TTLL6: variants seen among roughly 807,000 people sequenced by gnomAD.
TTLL6 encodes tubulin polyglutamylase TTLL6.
In TTLL6, 75 loss-of-function variants were observed where a neutral mutation model predicts 96.4. That is an observed-to-expected ratio of 0.78 (90% CI 0.65 to 0.94). TTLL6 has a LOEUF of 0.94. Ranked by LOEUF, TTLL6 falls within the 40% of genes least tolerant of loss-of-function variation. The pLI is 0.00. For missense variants in TTLL6, 1,030 were observed against 1,093.0 expected (o/e 0.94, Z 0.81); for synonymous variants, 411 against 419.4 (o/e 0.98, Z 0.24).
chr17:48,770,510 G>GTTGTTATTATTATTATTATTATTATTA (rs1555563118), intron 13 of TTLL6, among the ~76,000 whole-genome samples: 8 of 147,860 alleles, frequency 5.4e-5, no homozygotes, highest in Admixed American at 1.4e-4. Flanking sequence ...TATTGTTGTT[G>GTTGTTATTATTATTATTATTATTATTA]TTATTATTAT....
At chr17:48,805,915 G>A (rs192903789) in intron 1 of TTLL6, among the ~76,000 whole-genome samples, 106 of 152,262 alleles carry the variant, frequency 7.0e-4, no homozygotes, top group African/African-American at 2.4e-3. Flanking sequence ...ATTGAGACCA[G>A]CCCTACCCAC....
At chr17:48,786,033 G>A (rs1024691087) in intron 12 of TTLL6, 131 bp downstream of exon 12, 121 of 1,383,662 alleles carry the variant, frequency 8.7e-5, no homozygotes, top group Admixed American at 2.6e-4. Flanking sequence ...CCGCCCCGTC[G>A]TTGCCCAGCC....
At chr17:48,774,108 A>AAC (rs1555563624) in intron 13 of TTLL6, among the ~76,000 whole-genome samples, 70 of 130,526 alleles carry the variant, frequency 5.4e-4, no homozygotes, top group East Asian at 1.3e-3. Flanking sequence ...AAAAAAAAAA[A>AAC]AAAACAAGAA....
At chr17:48,771,300 T>C (rs1296332652) in intron 13 of TTLL6, among the ~76,000 whole-genome samples, 1 of 152,064 alleles carries the variant, frequency 6.6e-6, no homozygotes. Flanking sequence ...CCACAGTAGA[T>C]TTAGAATGTG....
At chr17:48,808,595 G>A (rs1291514384) in intron 1 of TTLL6, among the ~76,000 whole-genome samples, 1 of 152,088 alleles carries the variant, frequency 6.6e-6, no homozygotes, top group African/African-American at 2.4e-5. Flanking sequence ...TTGAGATGGT[G>A]TCTCATTCTG....
intron 12 of TTLL6, among the ~76,000 whole-genome samples, chr17:48,785,434 T>G (rs1478324667): frequency 6.6e-6 from 1 of 152,162 alleles, no homozygotes; most frequent in Non-Finnish European, 1.5e-5. Context: ...AACTGTGCAT[T>G]GTGTACTTTC....
chr17:48,778,839 A>C (rs568610335), intron 13 of TTLL6, among the ~76,000 whole-genome samples: 1 of 151,324 alleles, frequency 6.6e-6, no homozygotes, highest in East Asian at 1.9e-4. Context: ...CTGAGGCAGG[A>C]GAATCGCTTG....
At position 48,769,749 on chromosome 17, in the gene TTLL6, G is replaced by T; in HGVS notation, c.2389C>A (p.Leu797Met). The T allele has an allele frequency of 6.2e-7, 1 of 1,614,068 alleles. No individual in the cohort carries two copies. Among genetic ancestry groups the T allele is most frequent in the Non-Finnish European group, 8.5e-7 (1 of 1,179,982 alleles). The change falls in exon 14 of 16, where the codon CTG (leucine) becomes ATG (methionine). Residue 797 changes from leucine (L) to methionine (M), a missense_variant. Coordinates refer to ENST00000393382, the MANE Select transcript of TTLL6 (RefSeq NM_001130918.3). ...TCACGTGACAGGTTATTCATCCCCA[G>T]CTTGGGGTTGTAGTGAGCTGGGAAG... The part of the protein sequence containing the change: ...SFFPAHYNPK[L>M]GMNNLSQNPS...
chr17:48,803,370 C>A (rs1469087730), intron 3 of TTLL6, among the ~76,000 whole-genome samples: 3 of 151,880 alleles, frequency 2.0e-5, no homozygotes, highest in African/African-American at 7.3e-5. Context: ...GTGGCACTTG[C>A]CTGTAATCCC....
chr17:48,801,168 G>T, intron 5 of TTLL6, 87 bp downstream of exon 5: 1 of 1,279,218 alleles, frequency 7.8e-7, no homozygotes, highest in Non-Finnish European at 1.1e-6. Context: ...TATGGGCAGG[G>T]AAAGTGGCAA....
chr17:48,772,239 C>T (rs995916230), intron 13 of TTLL6, among the ~76,000 whole-genome samples: 1 of 152,078 alleles, frequency 6.6e-6, no homozygotes, highest in Admixed American at 6.5e-5. Context: ...AATCCCAGCA[C>T]GTTGGGAAGC....
intron 1 of TTLL6, among the ~76,000 whole-genome samples, chr17:48,815,075 G>A (rs1447419610): frequency 1.3e-5 from 2 of 152,176 alleles, no homozygotes; most frequent in African/African-American, 4.8e-5. Context: ...ACCGCGCCCA[G>A]CAGTTTAGTG....
chr17:48,813,564 C>CAAAAAG (rs1349259544), intron 1 of TTLL6, among the ~76,000 whole-genome samples: 2 of 151,964 alleles, frequency 1.3e-5, no homozygotes, highest in Non-Finnish European at 1.5e-5. Context: ...GCCTCAAAAA[C>CAAAAAG]AAAAAGAAAA....
At chr17:48,812,426 T>C (rs1240125376) in intron 1 of TTLL6, among the ~76,000 whole-genome samples, 1 of 152,250 alleles carries the variant, frequency 6.6e-6, no homozygotes, top group African/African-American at 2.4e-5. Context: ...TCGAAGTCTC[T>C]GTCTGGATTT....
intron 13 of TTLL6, among the ~76,000 whole-genome samples, chr17:48,784,051 TA>T (rs1404987158): frequency 1.3e-5 from 2 of 152,042 alleles, no homozygotes; most frequent in Non-Finnish European, 2.9e-5. Flanking sequence ...TAGTCAAAGG[TA>T]TGATTATGAG....
At chr17:48,793,892 T>G (rs920064126) in intron 8 of TTLL6, among the ~76,000 whole-genome samples, 4 of 152,026 alleles carry the variant, frequency 2.6e-5, no homozygotes, top group African/African-American at 9.6e-5. Context: ...CCCCTGGAGA[T>G]GAGAAGGTAG....
intron 6 of TTLL6, 49 bp from the exon 7 acceptor site, chr17:48,797,253 A>G (rs1052151541): frequency 1.3e-6 from 2 of 1,512,000 alleles, no homozygotes; most frequent in Non-Finnish European, 1.8e-6. Flanking sequence ...AGAAATTTAC[A>G]CTTGAAAATC....
At position 48,785,046 on chromosome 17, in the gene TTLL6, G is replaced by A. The variant is rs1477920677; in HGVS notation, c.1917C>T (p.Phe639=). 3 of 1,614,166 alleles carry A rather than the reference G, an allele frequency of 1.9e-6. No individual in the cohort carries two copies. Among genetic ancestry groups the A allele is most frequent in the Admixed American group, 3.3e-5 (2 of 60,020 alleles). ...VFPKLTSAKP[F]SSLPDLRNIN... ...TATTCCTCAGATCGGGTAGAGAACT[G>A]AAGGGCTTCGCAGACGTCAGCTTGG... Residue 639 remains phenylalanine (F), a synonymous_variant, in exon 13 of 16, where the codon TTC becomes TTT. Transcript: ENST00000393382.
chr17:48,791,411 C>G lies in TTLL6; in HGVS notation c.1191G>C (p.Leu397Phe). 6.2e-7 allele frequency: 1 copy of G among 1,614,162 alleles called. No individual in the cohort carries two copies. The highest frequency in any genetic ancestry group is 8.5e-7 in the Non-Finnish European group (1 of 1,180,040). Residue 397 changes from leucine (L) to phenylalanine (F), a missense_variant, in exon 9 of 16, where the codon TTG becomes TTC. Coordinates refer to ENST00000393382, the MANE Select transcript of TTLL6 (RefSeq NM_001130918.3). ...ACFEILGFDI[L>F]LDHKLKPWLL... ...GCCAGGGTTTGAGTTTGTGGTCCAA[C>G]AAAATGTCAAAGCCCAGGATCTCAA...
Sources: gnomAD v4.1 joint callset for allele counts (sites outside exome capture counted in the v4.1 genomes callset) on GRCh38, gnomAD v4.1.1 for gene constraint, MANE v1.5 for transcripts, NCBI Gene and HGNC (gene_info 2026-07-23, HGNC 2026-07-21) for gene names.